ULK4: variants seen among roughly 807,000 people sequenced by gnomAD.
The protein encoded by ULK4 is unc-51 like kinase 4.
A neutral mutation model predicts 160.6 loss-of-function variants in ULK4; 133 were observed. That is an observed-to-expected ratio of 0.83 (90% CI 0.72 to 0.96). ULK4 has a LOEUF of 0.96. ULK4 is among the 40% of genes least tolerant of loss of function. The probability of loss-of-function intolerance (pLI) is 0.00; values close to 1 mark genes in which losing one functional copy is unlikely to be tolerated. For synonymous variants in ULK4, 534 were observed against 539.8 expected (o/e 0.99, Z 0.15); for missense variants, 1,580 against 1,499.5 (o/e 1.05, Z -0.89).
intron 29 of ULK4, among the ~76,000 whole-genome samples, chr3:41,664,438 C>T (rs922486972): frequency 6.6e-6 from 1 of 152,162 alleles, no homozygotes; most frequent in East Asian, 1.9e-4. Context: ...CACACTCTTC[C>T]CCCAGCAATC....
chr3:41,924,224 G>A (rs1025654738), intron 5 of ULK4, among the ~76,000 whole-genome samples: 1 of 152,142 alleles, frequency 6.6e-6, no homozygotes, highest in Non-Finnish European at 1.5e-5. Context: ...TCAAAAGGTA[G>A]GGTGATTTTT....
At chr3:41,681,075 G>A (rs1248621725) in intron 29 of ULK4, among the ~76,000 whole-genome samples, 2 of 152,180 alleles carry the variant, frequency 1.3e-5, no homozygotes, top group East Asian at 3.9e-4. Context: ...AGAAAGTCCT[G>A]CTCAGAACTA....
intron 32 of ULK4, among the ~76,000 whole-genome samples, chr3:41,527,045 C>T (rs1276354213): frequency 6.6e-6 from 1 of 152,132 alleles, no homozygotes; most frequent in Admixed American, 6.5e-5. Flanking sequence ...ACATAAAGTG[C>T]TTTACATACA....
rs79133805 is a variant in ULK4, at chr3:41,639,316, A to G, written c.3072-23599T>C. ...TGTCTTCAGTGCTGCATATTTTAAC[A>G]TCATCAGAAGCAAAATAAATGTTTG... On this transcript the variant is annotated intron_variant, in intron 30 of 36. Transcript: ENST00000301831. 9.6e-3 allele frequency among the ~76,000 whole-genome samples: 1,467 copies of G among 152,348 alleles called. 7 individuals are homozygous for G. The highest frequency in any genetic ancestry group is 0.015 in the Non-Finnish European group (1,045 of 68,026).
chr3:41,704,341 A>C (rs1164087763), intron 27 of ULK4, among the ~76,000 whole-genome samples: 2 of 152,310 alleles, frequency 1.3e-5, no homozygotes, highest in East Asian at 3.9e-4. Context: ...GGGAAAGTTA[A>C]GGAGGGAAGG....
At chr3:41,391,761 G>A (rs72866659) in intron 35 of ULK4, among the ~76,000 whole-genome samples, 2,092 of 152,122 alleles carry the variant, frequency 0.014, 60 homozygotes, top group African/African-American at 0.047. Flanking sequence ...AAATGATGGT[G>A]AGCACAGCAA....
chr3:41,283,676 G>A (rs1257918345), intron 35 of ULK4, among the ~76,000 whole-genome samples: 2 of 152,032 alleles, frequency 1.3e-5, no homozygotes, highest in Non-Finnish European at 2.9e-5. Context: ...GATAGCATTA[G>A]GAGAAATACC....
chr3:41,599,039 G>A (rs1234242989), intron 31 of ULK4, among the ~76,000 whole-genome samples: 1 of 152,160 alleles, frequency 6.6e-6, no homozygotes, highest in East Asian at 1.9e-4. Context: ...CAACATCAAA[G>A]CTAGCCAATG....
intron 22 of ULK4, among the ~76,000 whole-genome samples, chr3:41,746,411 A>G (rs561111738): frequency 1.6e-4 from 24 of 151,292 alleles, no homozygotes; most frequent in Non-Finnish European, 2.9e-4. Context: ...ACCATTTACA[A>G]TTGCTTCCCT....
At chr3:41,405,871 T>C (rs1443969802) in intron 34 of ULK4, among the ~76,000 whole-genome samples, 2 of 152,178 alleles carry the variant, frequency 1.3e-5, no homozygotes, top group Non-Finnish European at 2.9e-5. Context: ...TCTTTACAGA[T>C]TCTGGATATT....
intron 32 of ULK4, among the ~76,000 whole-genome samples, chr3:41,477,610 C>G (rs1301244977): frequency 6.6e-6 from 1 of 152,208 alleles, no homozygotes; most frequent in Non-Finnish European, 1.5e-5. Flanking sequence ...CAATGATTAA[C>G]CACTAAAACC....
chr3:41,370,780 C>T (rs1490037150), intron 35 of ULK4, among the ~76,000 whole-genome samples: 1 of 152,198 alleles, frequency 6.6e-6, no homozygotes, highest in South Asian at 2.1e-4. Flanking sequence ...GCGCCTGGAA[C>T]GTCAGCATGA....
intron 35 of ULK4, among the ~76,000 whole-genome samples, chr3:41,386,886 T>C (rs17056698): frequency 0.018 from 2,701 of 152,216 alleles, 99 homozygotes; most frequent in African/African-American, 0.062. Flanking sequence ...ATACCTATGG[T>C]AAAGATCTGT....
At chr3:41,262,965 T>C (rs1299638673) in intron 35 of ULK4, among the ~76,000 whole-genome samples, 1 of 152,120 alleles carries the variant, frequency 6.6e-6, no homozygotes, top group East Asian at 1.9e-4. Context: ...TTTGTAGATA[T>C]AAAAATAAAT....
chr3:41,430,623 A>G (rs1366207818), intron 34 of ULK4, among the ~76,000 whole-genome samples: 3 of 152,346 alleles, frequency 2.0e-5, no homozygotes, highest in Non-Finnish European at 4.4e-5. Context: ...GTTCACAAAG[A>G]GAGTTTATTA....
intron 17 of ULK4, among the ~76,000 whole-genome samples, chr3:41,839,292 A>T (rs1341601688): frequency 6.6e-6 from 1 of 152,040 alleles, no homozygotes; most frequent in Non-Finnish European, 1.5e-5. Context: ...GTGAGCTGAG[A>T]TCATGCCACT....
chr3:41,643,468 C>T (rs1041991438), intron 30 of ULK4, among the ~76,000 whole-genome samples: 5 of 152,080 alleles, frequency 3.3e-5, no homozygotes, highest in South Asian at 2.1e-4. Context: ...CCATTGCTTC[C>T]TTTTCTCAGG....
chr3:41,939,846 C>T (rs1699894799), intron 2 of ULK4, among the ~76,000 whole-genome samples: 1 of 152,112 alleles, frequency 6.6e-6, no homozygotes, highest in Non-Finnish European at 1.5e-5. Flanking sequence ...GAAGCACAAA[C>T]CCTATTGTGA....
intron 32 of ULK4, among the ~76,000 whole-genome samples, chr3:41,504,886 C>T (rs1223242934): frequency 2.0e-5 from 3 of 151,944 alleles, no homozygotes; most frequent in Admixed American, 6.6e-5. Flanking sequence ...CACATTGTCC[C>T]CTAAAGGGAG....
Sources: gnomAD v4.1 joint callset for allele counts (sites outside exome capture counted in the v4.1 genomes callset) on GRCh38, gnomAD v4.1.1 for gene constraint, MANE v1.5 for transcripts, NCBI Gene and HGNC (gene_info 2026-07-23, HGNC 2026-07-21) for gene names.